The following DBNL variants were observed in gnomAD, a reference collection of about 807,000 sequenced individuals.
DBNL encodes the protein drebrin-like protein.
Under a neutral mutation model 62.2 loss-of-function variants are expected in DBNL, and 35 were observed. The observed-to-expected ratio is 0.56, with a 90% CI of 0.43 to 0.75. The LOEUF is 0.75. DBNL is among the 30% of genes least tolerant of loss of function. The pLI is 0.00. For synonymous variants in DBNL, 197 were observed against 218.0 expected (o/e 0.90, Z 0.85); for missense variants, 495 against 578.4 (o/e 0.86, Z 1.48).
intron 8 of DBNL, 175 bp downstream of exon 8, chr7:44,058,655 A>C: frequency 1.0e-6 from 1 of 967,332 alleles, no homozygotes; most frequent in South Asian, 1.6e-5. Flanking sequence ...CAAAGGCGGA[A>C]GCGTCGGGCT....
At position 44,065,144 on chromosome 7, in the gene DBNL, T is replaced by C; in HGVS notation, c.*4228T>C. 6.2e-7 allele frequency: 1 copy of C among 1,614,066 alleles called. No individual in the cohort carries two copies. Among genetic ancestry groups the C allele is most frequent in the East Asian group, 2.2e-5 (1 of 44,886 alleles). On this transcript the variant is annotated 3_prime_UTR_variant, in exon 13 of 13. Transcript: ENST00000448521. ...GCTAATGGAGTTGTAGTAGGGGTGC[T>C]TCTCGTCCATCGGGGGCGGCGGGAT... is the stretch of plus-strand genomic sequence containing the variant.
Position 44,066,475 on chromosome 7 carries a change from G to A in DBNL, c.*5559G>A, listed in dbSNP as rs2096160338. On this transcript the variant is annotated 3_prime_UTR_variant, in exon 13 of 13. Transcript: ENST00000448521. ...CTATGAGCAATAAAGTCACAATTGG[G>A]GCCCTAATGAAGGGGCCATGGCCAG... The A allele has an allele frequency of 6.6e-6, 1 of 152,252 alleles. No homozygotes were observed. Among genetic ancestry groups the A allele is most frequent in the Non-Finnish European group, 1.5e-5 (1 of 68,064 alleles). The allele number at this position is 152,252 out of a possible 1,614,324, so 9.4% of individuals were successfully genotyped here.
chr7:44,058,405 T>C, intron 7 of DBNL, 27 bp from the exon 8 acceptor site: 1 of 1,614,162 alleles, frequency 6.2e-7, no homozygotes, highest in East Asian at 2.2e-5. Context: ...GTGCCTCAGC[T>C]GTGCCCCACC....
At chr7:44,054,353 C>T (rs555780324) in intron 4 of DBNL, among the ~76,000 whole-genome samples, 8 of 151,998 alleles carry the variant, frequency 5.3e-5, no homozygotes, top group Admixed American at 4.6e-4. Context: ...CCACCATGCC[C>T]GGCTAAGTTT....
Position 44,058,198 on chromosome 7 carries a change from G to A in DBNL, c.622G>A (p.Glu208Lys). The change falls in exon 7 of 13, where the codon GAG (glutamate) becomes AAG (lysine). Residue 208 changes from glutamate (E) to lysine (K), a missense_variant. Physicochemically the swap from Glu to Lys is moderately conservative, Grantham distance 56. Coordinates refer to ENST00000448521, the MANE Select transcript of DBNL (RefSeq NM_001014436.3). ...GGAGGCACAGCGGCAGCTGGAGCAG[G>A]AGCGCCGGGAGCGTGAGCTGCGTGA... ...AEEAQRQLEQ[E>K]RRERELREAA... The A allele has an allele frequency of 1.9e-6, 3 of 1,560,372 alleles. No individual in the cohort carries two copies. The highest frequency in any genetic ancestry group is 2.6e-6 in the Non-Finnish European group (3 of 1,153,266).
chr7:44,063,524 C>A lies in DBNL; in HGVS notation c.*2608C>A. 5.9e-6 allele frequency: 1 copy of A among 170,546 alleles called. No individual in the cohort carries two copies. The highest frequency in any genetic ancestry group is 1.3e-4 in the South Asian group (1 of 7,654). The allele number at this position is 170,546 out of a possible 1,614,324, so 10.6% of individuals were successfully genotyped here. ...CAAACTCCTGACCTCAGGTGATCTG[C>A]CTGCCTCAGCCTCCCAAAGTGCTGG... On this transcript the variant is annotated 3_prime_UTR_variant, in exon 13 of 13. Transcript: ENST00000448521.
At chr7:44,053,827 C>CCA (rs2096130872) in intron 4 of DBNL, among the ~76,000 whole-genome samples, 1 of 152,128 alleles carries the variant, frequency 6.6e-6, no homozygotes, top group African/African-American at 2.4e-5. Context: ...CAGGCACCCG[C>CCA]CACCACGCCC....
At chr7:44,050,143 T>C in intron 1 of DBNL, 82 bp from the exon 2 acceptor site, 1 of 1,476,850 alleles carries the variant, frequency 6.8e-7, no homozygotes, top group Non-Finnish European at 9.4e-7. Context: ...CTTTGGGATG[T>C]AGTGGAAAGT....
At chr7:44,054,431 G>A (rs966262571) in intron 4 of DBNL, among the ~76,000 whole-genome samples, 2 of 152,192 alleles carry the variant, frequency 1.3e-5, no homozygotes, top group African/African-American at 4.8e-5. Context: ...GAGCTCAAGT[G>A]ATCTGCCCTC....
chr7:44,047,050 C>A (rs1204309455), intron 1 of DBNL, among the ~76,000 whole-genome samples: 1 of 152,182 alleles, frequency 6.6e-6, no homozygotes, highest in African/African-American at 2.4e-5. Context: ...ACTTCTTGGC[C>A]CCGAGGTTGC....
rs576578417 is a variant in DBNL, at chr7:44,058,604, G to A, written c.753+124G>A. The A allele has an allele frequency of 1.6e-4, 217 of 1,340,948 alleles. No individual in the cohort carries two copies. The African/African-American group carries it at 2.8e-3, about 17-fold the overall frequency. The allele number at this position is 1,340,948 out of a possible 1,614,324, so 83.1% of individuals were successfully genotyped here. ...GCCCTGCAGTCAGCTGGGGCAGGTT[G>A]GAATCTGGGCACCTCAAGAGGTGGC... On this transcript the variant is annotated intron_variant, in intron 8 of 12. Transcript: ENST00000448521.
intron 1 of DBNL, among the ~76,000 whole-genome samples, chr7:44,048,453 C>G (rs1460702272): frequency 1.3e-5 from 2 of 152,228 alleles, no homozygotes; most frequent in South Asian, 4.1e-4. Flanking sequence ...CAGTGTTTCT[C>G]TCCTGTATTC....
At chr7:44,058,095 C>T (rs536981903) in intron 6 of DBNL, 34 bp from the exon 7 acceptor site, 8 of 1,550,148 alleles carry the variant, frequency 5.2e-6, no homozygotes, top group Non-Finnish European at 7.0e-6. Flanking sequence ...GAAGTGGCAG[C>T]ATAGGGCTGA....
At chr7:44,051,186 C>G (rs1469202717) in intron 2 of DBNL, 1 of 152,590 alleles carries the variant, frequency 6.6e-6, no homozygotes, top group East Asian at 1.9e-4. Flanking sequence ...GATGAAATAC[C>G]TGATCAGCTC....
chr7:44,061,528 T>C lies in DBNL; in HGVS notation c.*612T>C, dbSNP rs1310633848. On this transcript the variant is annotated 3_prime_UTR_variant, in exon 13 of 13. Coordinates refer to ENST00000448521, the MANE Select transcript of DBNL (RefSeq NM_001014436.3). The stretch of plus-strand genomic sequence containing the variant: ...GATGGCCAAGCTCCCACCCTGGGTA[T>C]TCAAAAACGGCAGACACAACATGTT... The C allele has an allele frequency of 2.0e-5, 3 of 153,818 alleles. No individual in the cohort carries two copies. The highest frequency in any genetic ancestry group is 7.2e-5 in the African/African-American group (3 of 41,430). The allele number at this position is 153,818 out of a possible 1,614,324, so 9.5% of individuals were successfully genotyped here. A position where few individuals can be genotyped will look rare whatever the true frequency, so the allele number is the denominator to read the frequency against.
chr7:44,058,414 C>T lies in DBNL; in HGVS notation c.705-18C>T, dbSNP rs763560436. 6.2e-7 allele frequency: 1 copy of T among 1,614,034 alleles called. No individual in the cohort carries two copies. Among genetic ancestry groups the T allele is most frequent in the Non-Finnish European group, 8.5e-7 (1 of 1,180,008 alleles). On this transcript the variant is annotated intron_variant, in intron 7 of 12. Coordinates refer to ENST00000448521, the MANE Select transcript of DBNL (RefSeq NM_001014436.3). ...GTGACTGTGCCTCAGCTGTGCCCCA[C>T]CCGGCCCTTCCCAGCAGGACGTGGG...
Position 44,059,274 on chromosome 7 carries a change from C to A in DBNL, c.836-80C>A. On this transcript the variant is annotated intron_variant, in intron 9 of 12. Transcript: ENST00000448521. This position sits in a 1 kb window ranked among gnomAD's most constrained non-coding sequence, Gnocchi z 4.1. Reference sequence around the variant, plus strand: ...GCCCCATGAGACTGCCTCGAGCACACCAGGGTGGAGGGTGCTGTGGGGTGC... The same window carrying A: ...GCCCCATGAGACTGCCTCGAGCACAACAGGGTGGAGGGTGCTGTGGGGTGC... 4 of 1,440,662 alleles carry A rather than the reference C, an allele frequency of 2.8e-6. No individual in the cohort carries two copies. The highest frequency in any genetic ancestry group is 2.5e-5 in the South Asian group (2 of 81,058). 89.2% of individuals were successfully genotyped at this position (1,440,662 alleles called of 1,614,324 possible).
intron 1 of DBNL, among the ~76,000 whole-genome samples, chr7:44,049,521 A>G (rs2096122873): frequency 6.6e-6 from 1 of 152,232 alleles, no homozygotes; most frequent in African/African-American, 2.4e-5. Flanking sequence ...CATGTCACCC[A>G]TGGAGAGATA....
chr7:44,053,778 A>G (rs1207367098), intron 4 of DBNL, among the ~76,000 whole-genome samples: 2 of 150,590 alleles, frequency 1.3e-5, no homozygotes, highest in South Asian at 2.1e-4. Context: ...CCGGGTTCAC[A>G]CCATTCTTCT....
Sources: allele counts gnomAD v4.1 joint callset (sites outside exome capture counted in the v4.1 genomes callset), GRCh38; gene constraint gnomAD v4.1.1; non-coding constraint Gnocchi (gnomAD v3.1); transcripts MANE v1.5; gene names NCBI Gene and HGNC (gene_info 2026-07-23, HGNC 2026-07-21).